Variants in SLC9A9 observed in about 807,000 individuals in gnomAD.
SLC9A9 encodes the protein solute carrier family 9 member A9, also known as sodium/hydrogen exchanger 9.
SLC9A9 carries 62 observed loss-of-function variants against 77.8 expected under a neutral mutation model. The observed-to-expected ratio is 0.80, with a 90% CI of 0.65 to 0.98. SLC9A9 has a LOEUF of 0.98. Ranked by LOEUF, SLC9A9 falls within the 50% of genes least tolerant of loss-of-function variation. The pLI is 0.00. For synonymous variants in SLC9A9, 320 were observed against 283.5 expected, an observed-to-expected ratio of 1.13 and a Z score of -1.29; for missense variants, 775 against 774.9, an observed-to-expected ratio of 1.00 and a Z score of 0.00.
intron 12 of SLC9A9, among the ~76,000 whole-genome samples, chr3:143,442,907 G>A (rs980246791): frequency 1.3e-5 from 2 of 152,294 alleles, no homozygotes; most frequent in African/African-American, 4.8e-5. Flanking sequence ...TGGGGTGGGA[G>A]CTAGGGATGA....
At chr3:143,420,498 T>C (rs1007743163) in intron 12 of SLC9A9, among the ~76,000 whole-genome samples, 3 of 152,232 alleles carry the variant, frequency 2.0e-5, no homozygotes, top group Non-Finnish European at 2.9e-5. Flanking sequence ...ATGCGACTTA[T>C]ACACAATTGC....
chr3:143,552,949 C>G lies in SLC9A9; in HGVS notation c.1001-499G>C, dbSNP rs76845030. Among the ~76,000 whole-genome samples, 1,083 of 152,236 alleles carry G rather than the reference C, an allele frequency of 7.1e-3. 18 individuals are homozygous for G. Among genetic ancestry groups the G allele is most frequent in the African/African-American group, 0.025 (1,045 of 41,532 alleles). On this transcript the variant is annotated intron_variant, in intron 8 of 15. Transcript: ENST00000316549. ...ATGAGTGACAAACCTAAGACATCCA[C>G]AAGGGTTTTGCTGCCCCTGCCAACG...
chr3:143,545,426 T>A (rs981431356), intron 9 of SLC9A9, among the ~76,000 whole-genome samples: 9 of 152,244 alleles, frequency 5.9e-5, no homozygotes, highest in African/African-American at 2.2e-4. Context: ...CATGTGTATG[T>A]CTTCTGCTAT....
At chr3:143,729,764 G>T (rs1473589171) in intron 4 of SLC9A9, among the ~76,000 whole-genome samples, 2 of 151,980 alleles carry the variant, frequency 1.3e-5, no homozygotes, top group African/African-American at 4.8e-5. Context: ...CTTCTTCTGG[G>T]TTTCCTTATT....
chr3:143,485,467 A>G (rs1354290049), intron 11 of SLC9A9, among the ~76,000 whole-genome samples: 1 of 152,180 alleles, frequency 6.6e-6, no homozygotes, highest in Non-Finnish European at 1.5e-5. Flanking sequence ...AGAAATTAGG[A>G]GGTGACTTTG....
intron 4 of SLC9A9, among the ~76,000 whole-genome samples, chr3:143,698,441 A>C (rs541856467): frequency 5.9e-5 from 9 of 152,340 alleles, no homozygotes; most frequent in African/African-American, 2.2e-4. Context: ...GGCAGTCATA[A>C]ATTTTACTCT....
At chr3:143,574,063 T>A (rs2037314190) in intron 8 of SLC9A9, 25 bp downstream of exon 8, 3 of 1,596,198 alleles carry the variant, frequency 1.9e-6, no homozygotes, top group Non-Finnish European at 2.6e-6. Context: ...CACATCCAGT[T>A]GGCTGTGCAG....
chr3:143,344,289 T>TTGA (rs1229188687), intron 14 of SLC9A9, among the ~76,000 whole-genome samples: 50 of 152,322 alleles, frequency 3.3e-4, no homozygotes, highest in African/African-American at 1.2e-3. Flanking sequence ...AATATCCTGA[T>TTGA]GCATATATCT....
chr3:143,470,437 G>A (rs1382851901), intron 11 of SLC9A9, among the ~76,000 whole-genome samples: 3 of 149,238 alleles, frequency 2.0e-5, no homozygotes, highest in Non-Finnish European at 3.0e-5. Flanking sequence ...CCAAGATCGC[G>A]CCATTGTACT....
At chr3:143,840,982 G>A (rs1032011731) in intron 1 of SLC9A9, among the ~76,000 whole-genome samples, 2 of 152,056 alleles carry the variant, frequency 1.3e-5, no homozygotes, top group Admixed American at 6.6e-5. Context: ...CCTCTCTTCT[G>A]TAAACTTCCT....
At chr3:143,613,710 C>T (rs2038055402) in intron 6 of SLC9A9, among the ~76,000 whole-genome samples, 1 of 141,818 alleles carries the variant, frequency 7.1e-6, no homozygotes, top group Admixed American at 7.0e-5. Context: ...TGTCCACAGA[C>T]ATGCCTCTCT....
At position 143,465,326 on chromosome 3, in the gene SLC9A9, C is replaced by T. The variant is rs116352379; in HGVS notation, c.1469+1711G>A. ...ACCTGTTTAAAGCCCCACTATAATACTCCCCTCTCCCTGCTGGACCAGATA... is the reference window on the plus strand; with the variant it reads ...ACCTGTTTAAAGCCCCACTATAATATTCCCCTCTCCCTGCTGGACCAGATA... On this transcript the variant is annotated intron_variant, in intron 12 of 15. Transcript: ENST00000316549. 1.5e-3 allele frequency among the ~76,000 whole-genome samples: 222 copies of T among 152,336 alleles called. 1 individual carries two copies. Among genetic ancestry groups the T allele is most frequent in the African/African-American group, 5.3e-3 (220 of 41,560 alleles).
chr3:143,427,332 G>T (rs566553139), intron 12 of SLC9A9, among the ~76,000 whole-genome samples: 1 of 152,200 alleles, frequency 6.6e-6, no homozygotes, highest in South Asian at 2.1e-4. Context: ...GTATATTTTT[G>T]CCACATAATT....
At chr3:143,678,256 C>G (rs1250423457) in intron 5 of SLC9A9, among the ~76,000 whole-genome samples, 7 of 152,064 alleles carry the variant, frequency 4.6e-5, no homozygotes, top group South Asian at 2.1e-4. Flanking sequence ...AGTGTGTTGC[C>G]TATCTATTGA....
At chr3:143,735,101 G>A (rs1448026311) in intron 4 of SLC9A9, among the ~76,000 whole-genome samples, 1 of 152,152 alleles carries the variant, frequency 6.6e-6, no homozygotes, top group African/African-American at 2.4e-5. Flanking sequence ...GACAAAATCA[G>A]CATTAATATA....
At chr3:143,692,849 C>T (rs894992251) in intron 5 of SLC9A9, among the ~76,000 whole-genome samples, 7 of 152,080 alleles carry the variant, frequency 4.6e-5, no homozygotes, top group African/African-American at 7.2e-5. Flanking sequence ...AATCTCATTA[C>T]GTTTTAAGAA....
chr3:143,267,195 G>C (rs16853295), intron 15 of SLC9A9, among the ~76,000 whole-genome samples: 2,876 of 152,076 alleles, frequency 0.019, 89 homozygotes, highest in African/African-American at 0.065. Flanking sequence ...TCCTCTTTGG[G>C]TTAAGGATGT....
intron 6 of SLC9A9, among the ~76,000 whole-genome samples, chr3:143,580,726 C>G (rs1464373119): frequency 6.6e-6 from 1 of 152,206 alleles, no homozygotes; most frequent in Non-Finnish European, 1.5e-5. Context: ...TCTCTTCCTT[C>G]CCACTCAACA....
intron 4 of SLC9A9, among the ~76,000 whole-genome samples, chr3:143,782,499 A>G (rs1410591744): frequency 1.3e-5 from 2 of 152,204 alleles, no homozygotes; most frequent in Non-Finnish European, 2.9e-5. Flanking sequence ...CACACTTTGG[A>G]AAAGTTGCCT....
Sources: gnomAD v4.1 joint callset for allele counts (sites outside exome capture counted in the v4.1 genomes callset) on GRCh38, gnomAD v4.1.1 for gene constraint, MANE v1.5 for transcripts, NCBI Gene and HGNC (gene_info 2026-07-23, HGNC 2026-07-21) for gene names.